SAMMSON: variants seen among roughly 807,000 people sequenced by gnomAD.
SAMMSON encodes the protein long intergenic non-protein coding RNA 1212.
At chr3:70,337,778 T>C (rs1218631371) in intron 7 of SAMMSON, among the ~76,000 whole-genome samples, 2 of 151,964 alleles carry the variant, frequency 1.3e-5, no homozygotes, top group African/African-American at 4.8e-5. Context: ...TTACATAAAA[T>C]TAAATACAAT....
intron 7 of SAMMSON, among the ~76,000 whole-genome samples, chr3:70,301,896 G>A (rs1167754049): frequency 3.9e-5 from 6 of 151,992 alleles, no homozygotes; most frequent in African/African-American, 1.2e-4. Context: ...TATTTGATAC[G>A]TGAAAGAGGA....
intron 2 of SAMMSON, among the ~76,000 whole-genome samples, chr3:70,413,632 C>G (rs187769642): frequency 2.6e-5 from 4 of 152,224 alleles, no homozygotes; most frequent in Admixed American, 2.6e-4. Context: ...ATTGCTGAGA[C>G]AAAAGAGACC....
chr3:70,124,628 C>G (rs1390546252), intron 4 of SAMMSON, among the ~76,000 whole-genome samples: 2 of 151,604 alleles, frequency 1.3e-5, no homozygotes, highest in Non-Finnish European at 2.9e-5. Flanking sequence ...CTGGCTAACA[C>G]AGTGAAATCC....
At chr3:70,102,510 G>A (rs191702906) in intron 4 of SAMMSON, among the ~76,000 whole-genome samples, 2 of 152,324 alleles carry the variant, frequency 1.3e-5, no homozygotes, top group East Asian at 3.9e-4. Context: ...ACCATTGGAG[G>A]AGCATCTCTA....
At chr3:70,169,810 A>G (rs1361173346) in intron 4 of SAMMSON, among the ~76,000 whole-genome samples, 4 of 151,892 alleles carry the variant, frequency 2.6e-5, no homozygotes, top group African/African-American at 9.7e-5. Context: ...TTATAGGAAC[A>G]GAGCACCGAG....
chr3:70,206,768 C>G (rs1040925892), intron 4 of SAMMSON: 40 of 397,498 alleles, frequency 1.0e-4, no homozygotes, highest in African/African-American at 7.6e-4. Context: ...CATCTGCATG[C>G]TTTGCATTCG....
chr3:70,289,241 T>G (rs553277644), intron 6 of SAMMSON, among the ~76,000 whole-genome samples: 12,589 of 150,296 alleles, frequency 0.084, 486 homozygotes, highest in South Asian at 0.12. Context: ...AGGAGCTCTT[T>G]TAGGGCAGGC....
At chr3:70,285,040 A>AT (rs1159319520) in intron 6 of SAMMSON, among the ~76,000 whole-genome samples, 87 of 147,442 alleles carry the variant, frequency 5.9e-4, no homozygotes, top group African/African-American at 1.7e-3. Flanking sequence ...TTTTTTACTT[A>AT]TTTTTTTTTA....
intron 3 of SAMMSON, among the ~76,000 whole-genome samples, chr3:70,022,176 C>T (rs1021945364): frequency 2.7e-5 from 4 of 150,738 alleles, no homozygotes; most frequent in African/African-American, 9.8e-5. Context: ...TTTCTACAAA[C>T]CGATTCTGCC....
chr3:70,265,386 G>T (rs967771088), intron 6 of SAMMSON, among the ~76,000 whole-genome samples: 6 of 152,138 alleles, frequency 3.9e-5, no homozygotes, highest in African/African-American at 1.4e-4. Flanking sequence ...TGGAGCAAAG[G>T]TAAAGGAAGA....
intron 6 of SAMMSON, among the ~76,000 whole-genome samples, chr3:70,281,223 G>C (rs542683156): frequency 6.6e-6 from 1 of 152,086 alleles, no homozygotes; most frequent in African/African-American, 2.4e-5. Flanking sequence ...GTTCACATCT[G>C]ATCATGTTCC....
At chr3:70,071,902 T>A (rs1308062671) in intron 4 of SAMMSON, 1 of 152,008 alleles carries the variant, frequency 6.6e-6, no homozygotes, top group South Asian at 2.1e-4. Flanking sequence ...TGACACTGAA[T>A]AGACAATGTT....
intron 7 of SAMMSON, among the ~76,000 whole-genome samples, chr3:70,300,552 C>G (rs1702337402): frequency 6.6e-6 from 1 of 151,924 alleles, no homozygotes; most frequent in African/African-American, 2.4e-5. Context: ...AACCATGTTA[C>G]TTTTCCCTGT....
At chr3:70,306,087 C>T (rs897336453) in intron 7 of SAMMSON, among the ~76,000 whole-genome samples, 2 of 151,990 alleles carry the variant, frequency 1.3e-5, no homozygotes, top group African/African-American at 4.8e-5. Context: ...CAAAATTCAC[C>T]TAAATAATGG....
intron 4 of SAMMSON, among the ~76,000 whole-genome samples, chr3:70,181,073 G>A (rs557054511): frequency 6.6e-6 from 1 of 152,304 alleles, no homozygotes; most frequent in Non-Finnish European, 1.5e-5. Context: ...CATGGGAACA[G>A]TGGGTGAACG....
intron 4 of SAMMSON, among the ~76,000 whole-genome samples, chr3:70,220,983 G>T (rs140355649): frequency 1.3e-5 from 2 of 152,276 alleles, no homozygotes; most frequent in Non-Finnish European, 2.9e-5. Context: ...GGTAGGTAAT[G>T]ACATGTTTTA....
chr3:70,060,931 G>T (rs1468296277), intron 3 of SAMMSON, among the ~76,000 whole-genome samples: 8 of 152,122 alleles, frequency 5.3e-5, no homozygotes, highest in Admixed American at 4.6e-4. Context: ...GTGGAGAAAA[G>T]ATGAGAGGAA....
intron 3 of SAMMSON, among the ~76,000 whole-genome samples, chr3:70,041,275 G>A (rs746899638): frequency 2.0e-5 from 3 of 152,124 alleles, no homozygotes; most frequent in Non-Finnish European, 4.4e-5. Context: ...AAAGTGGGAT[G>A]TGGTTGCTGG....
At chr3:70,230,005 T>C (rs1283633500) in intron 4 of SAMMSON, among the ~76,000 whole-genome samples, 2 of 152,186 alleles carry the variant, frequency 1.3e-5, no homozygotes, top group African/African-American at 4.8e-5. Flanking sequence ...TAATATATTA[T>C]TATCTAATTT....
Sources: gnomAD v4.1 joint callset for allele counts (sites outside exome capture counted in the v4.1 genomes callset) on GRCh38, gnomAD v4.1.1 for gene constraint, MANE v1.5 for transcripts, NCBI Gene and HGNC (gene_info 2026-07-23, HGNC 2026-07-21) for gene names.